Variants in EIPR1 observed in about 807,000 individuals in gnomAD.
The protein encoded by EIPR1 is EARP complex and GARP complex interacting protein 1, also known as EARP and GARP complex-interacting protein 1.
In EIPR1, 25 loss-of-function variants were observed where a neutral mutation model predicts 48.1. The ratio of observed to expected loss-of-function variants is 0.52; its 90% CI spans 0.38 to 0.73. The LOEUF is 0.73. Ranked by LOEUF, EIPR1 falls within the 30% of genes least tolerant of loss-of-function variation. EIPR1 has a pLI of 0.00. For synonymous variants in EIPR1, 204 were observed against 201.9 expected (o/e 1.01, Z -0.09); for missense variants, 415 against 506.2 (o/e 0.82, Z 1.73).
chr2:3,348,164 G>T (rs1472847168), intron 2 of EIPR1, among the ~76,000 whole-genome samples: 1 of 152,152 alleles, frequency 6.6e-6, no homozygotes, highest in African/African-American at 2.4e-5. Flanking sequence ...ATGCAGAACC[G>T]CGCAGCTTAG....
chr2:3,256,194 A>C (rs542312612), intron 4 of EIPR1, among the ~76,000 whole-genome samples: 327 of 152,332 alleles, frequency 2.1e-3, no homozygotes, highest in Non-Finnish European at 3.7e-3. Flanking sequence ...CCTGACCCTC[A>C]GCACTGCTCT....
In EIPR1 at chr2:3,252,832, C is replaced by T. The variant is rs768103157; in HGVS notation, c.416+4467G>A. ...GGCCCTTACAGGAACCCCGGCACTG[C>T]CTTGTTTTTAGGATCTTCCTTAGCA... is the stretch of plus-strand genomic sequence containing the variant. On this transcript the variant is annotated intron_variant, in intron 4 of 8. Transcript: ENST00000382125. Among the ~76,000 whole-genome samples, 30 of 152,296 alleles carry T rather than the reference C, an allele frequency of 2.0e-4. No homozygotes were observed. In the Middle Eastern group the frequency reaches 0.01, roughly 52 times the overall value.
chr2:3,214,651 C>T (rs547278535), intron 4 of EIPR1, among the ~76,000 whole-genome samples: 16 of 152,290 alleles, frequency 1.1e-4, no homozygotes, highest in African/African-American at 3.9e-4. Flanking sequence ...TCACATCAGC[C>T]TACAGCTGGG....
intron 4 of EIPR1, among the ~76,000 whole-genome samples, chr2:3,219,962 A>T (rs1363828908): frequency 6.6e-6 from 1 of 152,204 alleles, no homozygotes; most frequent in Non-Finnish European, 1.5e-5. Flanking sequence ...GGCAAGTGAC[A>T]TTACAGCCTG....
chr2:3,365,530 G>C (rs371645329), intron 1 of EIPR1, among the ~76,000 whole-genome samples: 1 of 148,702 alleles, frequency 6.7e-6, no homozygotes, highest in Admixed American at 6.7e-5. Flanking sequence ...GGTGTTTCTC[G>C]CAGAGGGGGA....
chr2:3,224,264 A>T (rs937432301), intron 4 of EIPR1, among the ~76,000 whole-genome samples: 15 of 152,186 alleles, frequency 9.9e-5, no homozygotes, highest in African/African-American at 3.4e-4. Context: ...CCATCCAGAC[A>T]CAGTCTTAGG....
At position 3,286,998 on chromosome 2, in the gene EIPR1, G is replaced by A. The variant is rs1178638259; in HGVS notation, c.260-29543C>T. ...GTGGGGAGCACACAGAGTGCCAGCC[G>A]GCAGAGGCGGCGGTGGGGAGCACAC... On this transcript the variant is annotated intron_variant, in intron 3 of 8. Coordinates refer to ENST00000382125, the MANE Select transcript of EIPR1 (RefSeq NM_003310.5). This position sits in a 1 kb window ranked among gnomAD's most constrained non-coding sequence, Gnocchi z 4.2. Among the ~76,000 whole-genome samples the A allele has an allele frequency of 2.6e-4, 39 of 147,280 alleles. No homozygotes were observed. The East Asian group carries it at 7.6e-3, about 29-fold the overall frequency.
chr2:3,267,538 G>A (rs932997858), intron 3 of EIPR1, among the ~76,000 whole-genome samples: 1 of 152,242 alleles, frequency 6.6e-6, no homozygotes, highest in Admixed American at 6.5e-5. Flanking sequence ...CACAGAGCAT[G>A]TCTATACAAG....
At chr2:3,319,699 C>T in intron 3 of EIPR1, 1 of 181,272 alleles carries the variant, frequency 5.5e-6, no homozygotes. Flanking sequence ...GCAACACCAC[C>T]CCTGCAGGCA....
chr2:3,348,835 C>T (rs775768340), intron 2 of EIPR1, among the ~76,000 whole-genome samples: 11 of 152,234 alleles, frequency 7.2e-5, no homozygotes, highest in African/African-American at 1.7e-4. Flanking sequence ...TGAGGGATGG[C>T]GGCTTCCGAC....
chr2:3,314,656 C>A (rs1262937341), intron 3 of EIPR1, among the ~76,000 whole-genome samples: 1 of 151,946 alleles, frequency 6.6e-6, no homozygotes, highest in Non-Finnish European at 1.5e-5. Context: ...CTTGTGTCCC[C>A]TCCCAATCCC....
At chr2:3,311,356 G>T (rs1669122427) in intron 3 of EIPR1, among the ~76,000 whole-genome samples, 1 of 152,034 alleles carries the variant, frequency 6.6e-6, no homozygotes, top group African/African-American at 2.4e-5. Context: ...TTCCAGAAAT[G>T]ATTTCTTTTC....
chr2:3,240,261 T>C (rs150847758), intron 4 of EIPR1, among the ~76,000 whole-genome samples: 3,715 of 21,364 alleles, frequency 0.17, 20 homozygotes, highest in Middle Eastern at 0.26. Flanking sequence ...GCCAGCAGAC[T>C]CTTCCTCAGG....
intron 5 of EIPR1, among the ~76,000 whole-genome samples, chr2:3,207,040 C>T (rs192817586): frequency 9.1e-4 from 138 of 152,252 alleles, no homozygotes; most frequent in African/African-American, 2.7e-3. Flanking sequence ...TGCCTCTGCA[C>T]GAGGGTCTTC....
chr2:3,267,086 G>T (rs954198357), intron 3 of EIPR1, among the ~76,000 whole-genome samples: 1 of 152,190 alleles, frequency 6.6e-6, no homozygotes, highest in African/African-American at 2.4e-5. Flanking sequence ...CAGGATCTAC[G>T]GCCAAGCAGG....
At chr2:3,232,676 C>T (rs1298332269) in intron 4 of EIPR1, among the ~76,000 whole-genome samples, 2 of 152,172 alleles carry the variant, frequency 1.3e-5, no homozygotes, top group Non-Finnish European at 2.9e-5. Flanking sequence ...GACAGCATCA[C>T]ACTCACTCTC....
intron 4 of EIPR1, among the ~76,000 whole-genome samples, chr2:3,217,958 C>G (rs10188046): frequency 0.92 from 139,147 of 151,396 alleles, 64,175 homozygotes; most frequent in East Asian, 0.98. Context: ...CACGTGAGTC[C>G]GGGGCACACC....
At chr2:3,242,200 G>A (rs961500678) in intron 4 of EIPR1, among the ~76,000 whole-genome samples, 1 of 146,314 alleles carries the variant, frequency 6.8e-6, no homozygotes, top group Non-Finnish European at 1.6e-5. Context: ...GCCACTGACG[G>A]CTGGAAGACA....
intron 4 of EIPR1, among the ~76,000 whole-genome samples, chr2:3,248,682 C>T (rs915105739): frequency 2.6e-5 from 4 of 152,168 alleles, no homozygotes; most frequent in Non-Finnish European, 5.9e-5. Context: ...AGGAGAATCA[C>T]TTATACTGGA....
Sources: gnomAD v4.1 joint callset for allele counts (sites outside exome capture counted in the v4.1 genomes callset) on GRCh38, gnomAD v4.1.1 for gene constraint, Gnocchi (gnomAD v3.1) non-coding constraint, MANE v1.5 for transcripts, NCBI Gene and HGNC (gene_info 2026-07-23, HGNC 2026-07-21) for gene names.